The following COL10A1 variants were observed in gnomAD, a reference collection of about 807,000 sequenced individuals.
The protein encoded by COL10A1 is collagen type X alpha 1 chain.
Under a neutral mutation model 18.2 loss-of-function variants are expected in COL10A1, and 10 were observed. That is an observed-to-expected ratio of 0.55 (90% CI 0.34 to 0.93). COL10A1 has a LOEUF of 0.93. Among genes scored for constraint, COL10A1 ranks in the 40% least tolerant of loss-of-function variants. The probability of loss-of-function intolerance (pLI) is 0.02; values close to 1 mark genes in which losing one functional copy is unlikely to be tolerated. For synonymous variants in COL10A1, 330 were observed against 316.6 expected (o/e 1.04, Z -0.45); for missense variants, 897 against 853.5 (o/e 1.05, Z -0.64).
chr6:116,155,246 TTA>T lies in COL10A1; in HGVS notation c.-16+3366_-16+3367del, dbSNP rs895779644. Reference sequence around the variant, plus strand: ...AGACAACTGTCGTGATGGTTACATGTTATATAGTTTCCTAATGTCTCCAGACT... The same window carrying T: ...AGACAACTGTCGTGATGGTTACATGTTATAGTTTCCTAATGTCTCCAGACT... On this transcript the variant is annotated intron_variant, in intron 1 of 1. Transcript: ENST00000418500. Among the ~76,000 whole-genome samples the T allele has an allele frequency of 1.4e-3, 214 of 152,294 alleles. 1 individual carries two copies. The highest frequency in any genetic ancestry group is 4.9e-3 in the African/African-American group (204 of 41,580).
chr6:116,175,419 T>A, the COL10A1 span, among the ~76,000 whole-genome samples: 4 of 152,244 alleles, frequency 2.6e-5, no homozygotes, highest in Admixed American at 2.0e-4. Context: ...GGCGGAGTAT[T>A]TATCTCACTG....
upstream of COL10A1, among the ~76,000 whole-genome samples, chr6:116,163,174 G>A (rs1333082772): frequency 1.5e-5 from 2 of 133,198 alleles, no homozygotes; most frequent in East Asian, 4.4e-4. Flanking sequence ...TAGTAATATT[G>A]ATACCAGCTC....
At chr6:116,173,483 C>T in the COL10A1 span, among the ~76,000 whole-genome samples, 1 of 151,972 alleles carries the variant, frequency 6.6e-6, no homozygotes, top group African/African-American at 2.4e-5. Flanking sequence ...CCTGTCAGTC[C>T]CTTTAGAGCA....
intron 1 of COL10A1, among the ~76,000 whole-genome samples, chr6:116,152,943 A>G (rs1051390942): frequency 6.6e-6 from 1 of 152,014 alleles, no homozygotes; most frequent in Non-Finnish European, 1.5e-5. Flanking sequence ...CCTCCTCCAT[A>G]CTGCTGTCTT....
the COL10A1 span, among the ~76,000 whole-genome samples, chr6:116,198,917 G>T: frequency 2.0e-5 from 3 of 151,956 alleles, no homozygotes; most frequent in Non-Finnish European, 4.4e-5. Context: ...AATATAAACA[G>T]TGTAAATTAG....
At chr6:116,169,672 A>G in the COL10A1 span, among the ~76,000 whole-genome samples, 9 of 152,188 alleles carry the variant, frequency 5.9e-5, no homozygotes, top group African/African-American at 1.9e-4. Context: ...TAACAAATGG[A>G]TAAAACATGA....
chr6:116,160,753 G>A (rs1396542125), upstream of COL10A1, among the ~76,000 whole-genome samples: 1 of 152,150 alleles, frequency 6.6e-6, no homozygotes, highest in Non-Finnish European at 1.5e-5. Context: ...TTTATAGTTT[G>A]AGGTCTTACA....
chr6:116,169,799 C>A, the COL10A1 span, among the ~76,000 whole-genome samples: 25 of 152,146 alleles, frequency 1.6e-4, no homozygotes, highest in East Asian at 4.4e-3. Flanking sequence ...CAATAAAAAC[C>A]TATTGATTGA....
At chr6:116,196,780 C>G in the COL10A1 span, among the ~76,000 whole-genome samples, 1 of 151,986 alleles carries the variant, frequency 6.6e-6, no homozygotes, top group East Asian at 1.9e-4. Flanking sequence ...CCACCTTTTC[C>G]TCTTCTACTT....
chr6:116,163,561 A>G (rs548716541), upstream of COL10A1, among the ~76,000 whole-genome samples: 1 of 152,070 alleles, frequency 6.6e-6, no homozygotes, highest in East Asian at 1.9e-4. Flanking sequence ...TTATCTTCTT[A>G]AACAACCAAC....
At chr6:116,129,522 C>T (rs2114324835), upstream of COL10A1, among the ~76,000 whole-genome samples, 1 of 152,258 alleles carries the variant, frequency 6.6e-6, no homozygotes, top group East Asian at 1.9e-4. Context: ...TATATAGAAG[C>T]AAGCTCGGCC....
At chr6:116,216,162 G>A in the COL10A1 span, among the ~76,000 whole-genome samples, 1 of 151,986 alleles carries the variant, frequency 6.6e-6, no homozygotes, top group Admixed American at 6.6e-5. Context: ...AAGATAATTG[G>A]CAACAGTTAT....
intron 1 of COL10A1, among the ~76,000 whole-genome samples, chr6:116,146,535 AAAGT>A (rs1779901016): frequency 6.6e-6 from 1 of 152,216 alleles, no homozygotes; most frequent in Non-Finnish European, 1.5e-5. Flanking sequence ...TTAACAAAAG[AAAGT>A]ATGTGCCAGG....
intron 1 of COL10A1, among the ~76,000 whole-genome samples, chr6:116,135,865 A>ATGTGTATATATATATATATGTATGTATG (rs1562132693): frequency 8.3e-6 from 1 of 120,216 alleles, no homozygotes; most frequent in Non-Finnish European, 1.8e-5. Flanking sequence ...ATATATATAT[A>ATGTGTATATATATATATATGTATGTATG]TATATATACA....
At chr6:116,177,070 A>G in the COL10A1 span, among the ~76,000 whole-genome samples, 2 of 152,224 alleles carry the variant, frequency 1.3e-5, no homozygotes, top group African/African-American at 4.8e-5. Context: ...GATTTATAGT[A>G]TAGTTTCTGT....
chr6:116,216,449 T>C, the COL10A1 span, among the ~76,000 whole-genome samples: 1 of 151,922 alleles, frequency 6.6e-6, no homozygotes, highest in Non-Finnish European at 1.5e-5. Flanking sequence ...TCAGAATTTT[T>C]GGAGTAGGGC....
chr6:116,200,140 T>A, the COL10A1 span, among the ~76,000 whole-genome samples: 2 of 151,996 alleles, frequency 1.3e-5, no homozygotes, highest in Non-Finnish European at 2.9e-5. Context: ...TCCATGGTCT[T>A]CCACCCAATA....
At chr6:116,125,314 G>C (rs1422901406) in intron 2 of COL10A1, 25 bp downstream of exon 2, 3 of 1,609,904 alleles carry the variant, frequency 1.9e-6, no homozygotes, top group Admixed American at 3.3e-5. Flanking sequence ...CTTGTTAATA[G>C]AACAAAATAT....
At chr6:116,196,393 A>C in the COL10A1 span, among the ~76,000 whole-genome samples, 1 of 152,060 alleles carries the variant, frequency 6.6e-6, no homozygotes, top group African/African-American at 2.4e-5. Flanking sequence ...ATCAAAATTT[A>C]AACCAGTTTT....
Sources: gnomAD v4.1 joint callset for allele counts (sites outside exome capture counted in the v4.1 genomes callset) on GRCh38, gnomAD v4.1.1 for gene constraint, MANE v1.5 for transcripts, NCBI Gene and HGNC (gene_info 2026-07-23, HGNC 2026-07-21) for gene names.